The following MAST1 variants were observed in gnomAD, a reference collection of about 807,000 sequenced individuals.
MAST1 encodes the protein microtubule-associated serine/threonine-protein kinase 1.
In MAST1, 40 loss-of-function variants were observed where a neutral mutation model predicts 124.6. The observed-to-expected ratio is 0.32, with a 90% CI of 0.25 to 0.42. MAST1 has a LOEUF of 0.42. Ranked by LOEUF, MAST1 falls within the 10% of genes least tolerant of loss-of-function variation. MAST1 has a pLI of 1.00. For missense variants in MAST1, 1,558 were observed against 2,181.9 expected, an observed-to-expected ratio of 0.71 and a Z score of 5.70; for synonymous variants, 938 against 939.4, an observed-to-expected ratio of 1.00 and a Z score of 0.03.
Position 12,838,778 on chromosome 19 carries a change from C to A in MAST1, c.83+123C>A. 1 of 802,062 alleles carries A rather than the reference C, an allele frequency of 1.2e-6. No individual in the cohort carries two copies. The highest frequency in any genetic ancestry group is 1.9e-6 in the Non-Finnish European group (1 of 537,178). The allele number at this position is 802,062 out of a possible 1,614,324, so 49.7% of individuals were successfully genotyped here. ...TCCAGCTGCGCCAGAGGTGCCCCAG[C>A]TGCGCCTTCCCGCCGGGGTTGGGGT... On this transcript the variant is annotated intron_variant, in intron 1 of 25. Coordinates refer to ENST00000251472, the MANE Select transcript of MAST1 (RefSeq NM_014975.3). This position sits in a 1 kb window ranked among gnomAD's most constrained non-coding sequence, Gnocchi z 4.3.
chr19:12,844,650 G>T (rs1041761863), intron 4 of MAST1, among the ~76,000 whole-genome samples: 3 of 152,112 alleles, frequency 2.0e-5, no homozygotes, highest in African/African-American at 7.2e-5. Flanking sequence ...TTCCAGGAAG[G>T]GGAAGAGCAT....
chr19:12,853,491 G>A (rs1474763948), intron 10 of MAST1, among the ~76,000 whole-genome samples: 1 of 151,974 alleles, frequency 6.6e-6, no homozygotes, highest in East Asian at 2.0e-4. Flanking sequence ...AGGAAGTCAA[G>A]GCTTCAGTAA....
intron 11 of MAST1, 37 bp from the exon 12 acceptor site, chr19:12,858,494 G>A (rs1970043169): frequency 5.0e-6 from 8 of 1,612,160 alleles, no homozygotes; most frequent in Non-Finnish European, 6.8e-6. Flanking sequence ...CGGGTGTCTC[G>A]GAGGTGACGG....
intron 22 of MAST1, 28 bp from the exon 23 acceptor site, chr19:12,870,796 C>T: frequency 2.5e-6 from 4 of 1,574,400 alleles, no homozygotes; most frequent in Non-Finnish European, 3.5e-6. Context: ...CCCACTAACC[C>T]TGTCCCTATG....
intron 24 of MAST1, 32 bp from the exon 25 acceptor site, chr19:12,873,292 C>A: frequency 6.3e-7 from 1 of 1,599,062 alleles, no homozygotes; most frequent in South Asian, 1.1e-5. Context: ...GCGTCCAGGT[C>A]AAGGACGCTT....
At chr19:12,867,382 G>A in intron 18 of MAST1, 92 bp from the exon 19 acceptor site, 1 of 1,438,422 alleles carries the variant, frequency 7.0e-7, no homozygotes, top group Non-Finnish European at 9.7e-7. Context: ...AGGGTGGAGT[G>A]CGTTTTGCGG....
intron 20 of MAST1, 126 bp downstream of exon 20, chr19:12,868,103 A>ATTTTTTTTTTTTTTTTTTTTTTTTTTTTT (rs34988246): frequency 1.6e-5 from 5 of 322,292 alleles, no homozygotes; most frequent in East Asian, 1.2e-4. Context: ...GCAATTTGGG[A>ATTTTTTTTTTTTTTTTTTTTTTTTTTTTT]TTTTTTTTTT....
Position 12,843,600 on chromosome 19 carries a change from C to T in MAST1, c.320C>T (p.Thr107Ile). 1 of 1,613,472 alleles carries T rather than the reference C, an allele frequency of 6.2e-7. No homozygotes were observed. Among genetic ancestry groups the T allele is most frequent in the Non-Finnish European group, 8.5e-7 (1 of 1,179,782 alleles). ...TATGGCACCAACACGCCCAGTTCCA[C>T]CGTCTCGGTGAGTGTGGAAAGTAGG... ...SGYGTNTPSS[T>I]VSSSCSSQER... is the part of the protein sequence containing the mutation. Residue 107 changes from threonine to isoleucine, a missense_variant, in exon 4 of 26, where the codon ACC (threonine) becomes ATC (isoleucine). Around this residue, in one of 10 missense-constraint regions of MAST1, gnomAD observed 165 missense variants for 315.3 expected, o/e 0.52. Coordinates refer to ENST00000251472, the MANE Select transcript of MAST1 (RefSeq NM_014975.3). This position sits in a 1 kb window ranked among gnomAD's most constrained non-coding sequence, Gnocchi z 4.9.
In MAST1 at chr19:12,866,245, G is replaced by T; in HGVS notation, c.2029+143G>T. The T allele has an allele frequency of 9.1e-7, 1 of 1,095,616 alleles. No individual in the cohort carries two copies. The highest frequency in any genetic ancestry group is 2.6e-5 in the Admixed American group (1 of 39,046). 67.9% of individuals were successfully genotyped at this position (1,095,616 alleles called of 1,614,324 possible). A position where few individuals can be genotyped will look rare whatever the true frequency, so the allele number is the denominator to read the frequency against. ...GCGAAGGTGGTATTTTGGTGGGGGC[G>T]GGGCCAAGTGGGGCGGGGCTGACAT... On this transcript the variant is annotated intron_variant, in intron 17 of 25. Coordinates refer to ENST00000251472, the MANE Select transcript of MAST1 (RefSeq NM_014975.3). The surrounding 1 kb of genome is among the most constrained non-coding windows in gnomAD (Gnocchi z 5.2).
rs758975665 is a variant in MAST1 at position 12,867,662 on chromosome 19, G to C, written c.2318+10G>C. The C allele has an allele frequency of 1.3e-6, 2 of 1,568,336 alleles. No homozygotes were observed. The highest frequency in any genetic ancestry group is 1.4e-5 in the African/African-American group (1 of 73,306). On this transcript the variant is annotated intron_variant, in intron 19 of 25. Transcript: ENST00000251472. ...GGGGCTCTCCGGAGATGTGAGCAGG[G>C]GAATGGCGGAGTTTGGGGGCGGGGT...
At chr19:12,856,220 A>G (rs1419566709) in intron 10 of MAST1, among the ~76,000 whole-genome samples, 1 of 150,504 alleles carries the variant, frequency 6.6e-6, no homozygotes, top group Non-Finnish European at 1.5e-5. Flanking sequence ...CAAGAAAGAT[A>G]TACAGTGAAA....
Position 12,867,988 on chromosome 19 carries a change from T to G in MAST1, c.2566+11T>G. ...GGGACTCCGAGGCCAGTGAGTGCCCTATCGTGCTGCCTTCCCCAATCTTCC... is the reference window on the plus strand; with the variant it reads ...GGGACTCCGAGGCCAGTGAGTGCCCGATCGTGCTGCCTTCCCCAATCTTCC... On this transcript the variant is annotated intron_variant, in intron 20 of 25. Transcript: ENST00000251472. The G allele has an allele frequency of 3.3e-6, 5 of 1,523,338 alleles. No homozygotes were observed. Among genetic ancestry groups the G allele is most frequent in the Non-Finnish European group, 4.4e-6 (5 of 1,136,960 alleles). 94.4% of individuals were successfully genotyped at this position (1,523,338 alleles called of 1,614,324 possible).
At chr19:12,868,401 A>G (rs1270303887) in intron 20 of MAST1, among the ~76,000 whole-genome samples, 2 of 151,822 alleles carry the variant, frequency 1.3e-5, no homozygotes, top group Non-Finnish European at 2.9e-5. Context: ...GAGCCACCAC[A>G]CCCAGCCCAA....
At position 12,867,628 on chromosome 19, in the gene MAST1, C is replaced by A; in HGVS notation, c.2294C>A (p.Thr765Asn). The A allele has an allele frequency of 6.2e-7, 1 of 1,607,108 alleles. No homozygotes were observed. The highest frequency in any genetic ancestry group is 8.5e-7 in the Non-Finnish European group (1 of 1,176,954). The change falls in exon 19 of 26, where the codon ACC (threonine) becomes AAC (asparagine). Residue 765 changes from threonine (T) to asparagine (N), a missense_variant. This residue lies in a region of MAST1 where 287 missense variants were observed against 308.0 expected (regional missense o/e 0.93). Transcript: ENST00000251472. The stretch of plus-strand genomic sequence containing the variant: ...GGCGGCCTGACCCTGCGTGAGAAGA[C>A]CTGGAGAGGGGGCTCTCCGGAGATG... ...GLGGLTLREK[T>N]WRGGSPEIKR...
At chr19:12,850,524 A>G (rs979343221) in intron 7 of MAST1, among the ~76,000 whole-genome samples, 1 of 152,242 alleles carries the variant, frequency 6.6e-6, no homozygotes, top group Non-Finnish European at 1.5e-5. Flanking sequence ...TATTTTATTT[A>G]TAACCAAGCC....
rs967544500 is a variant in MAST1 at position 12,867,614 on chromosome 19, C to T, written c.2280C>T (p.Thr760=). Residue 760 remains threonine, a synonymous_variant, in exon 19 of 26, where the codon ACC becomes ACT. Transcript: ENST00000251472. ...AGKREGLGGL[T]LREKTWRGGS... is the part of the protein sequence containing the mutation. ...AGCGGGAGGGGCTGGGCGGCCTGACCCTGCGTGAGAAGACCTGGAGAGGGG... is the reference window on the plus strand; with the variant it reads ...AGCGGGAGGGGCTGGGCGGCCTGACTCTGCGTGAGAAGACCTGGAGAGGGG... The T allele has an allele frequency of 6.2e-7, 1 of 1,611,266 alleles. No individual in the cohort carries two copies. The highest frequency in any genetic ancestry group is 8.5e-7 in the Non-Finnish European group (1 of 1,178,774).
intron 21 of MAST1, 104 bp downstream of exon 21, chr19:12,868,953 G>T: frequency 1.3e-6 from 2 of 1,541,198 alleles, no homozygotes; most frequent in Non-Finnish European, 8.9e-7. Flanking sequence ...ATTGGCTCCA[G>T]GCTGGACCAA....
In MAST1 at chr19:12,874,672, G is replaced by A. The variant is rs769705319; in HGVS notation, c.4515G>A (p.Pro1505=). The A allele has an allele frequency of 1.4e-5, 22 of 1,542,564 alleles. No homozygotes were observed. The highest frequency in any genetic ancestry group is 2.7e-5 in the African/African-American group (2 of 72,908). Residue 1505 remains proline, a synonymous_variant, in exon 26 of 26, where the codon CCG becomes CCA. Coordinates refer to ENST00000251472, the MANE Select transcript of MAST1 (RefSeq NM_014975.3). This position sits in a 1 kb window ranked among gnomAD's most constrained non-coding sequence, Gnocchi z 6.6. The stretch of plus-strand genomic sequence containing the variant: ...AGCCCGCCTCCCCAAAGCTCTCCCC[G>A]GAGCCCCAGACACCCTCCCTAGCCC... The part of the protein sequence containing the change: ...RSKPASPKLS[P]EPQTPSLAPA...
At chr19:12,853,070 A>G (rs553850087) in intron 10 of MAST1, among the ~76,000 whole-genome samples, 116 of 150,672 alleles carry the variant, frequency 7.7e-4, no homozygotes, top group Middle Eastern at 3.4e-3. Flanking sequence ...TCCTGGGTTC[A>G]AGCAATTCTC....
Sources: gnomAD v4.1 joint callset for allele counts (sites outside exome capture counted in the v4.1 genomes callset) on GRCh38, gnomAD v4.1.1 for gene constraint, gnomAD v4.1.1 regional missense constraint, Gnocchi (gnomAD v3.1) non-coding constraint, MANE v1.5 for transcripts, NCBI Gene and HGNC (gene_info 2026-07-23, HGNC 2026-07-21) for gene names.